Variants in PIBF1 observed in about 807,000 individuals in gnomAD.
PIBF1 encodes the protein progesterone immunomodulatory binding factor 1, also known as progesterone-induced-blocking factor 1.
Under a neutral mutation model 112.5 loss-of-function variants are expected in PIBF1, and 90 were observed. The ratio of observed to expected loss-of-function variants is 0.80; its 90% confidence interval spans 0.67 to 0.95. PIBF1 has a LOEUF of 0.95. Among genes scored for constraint, PIBF1 ranks in the 40% least tolerant of loss-of-function variants. PIBF1 has a pLI of 0.00. For synonymous variants in PIBF1, 301 were observed against 288.6 expected (o/e 1.04, Z -0.44); for missense variants, 915 against 852.3 (o/e 1.07, Z -0.92).
chr13:72,927,979 A>ACG (rs2041559525), intron 13 of PIBF1, among the ~76,000 whole-genome samples: 1 of 69,234 alleles, frequency 1.4e-5, no homozygotes. Flanking sequence ...ATATATATAC[A>ACG]TATATATATA....
intron 11 of PIBF1, chr13:72,900,978 C>T (rs955095947): frequency 3.6e-5 from 13 of 359,504 alleles, no homozygotes; most frequent in South Asian, 1.3e-4. Context: ...ACCGAGATTG[C>T]GCCATTCCGC....
Position 72,854,226 on chromosome 13 carries a change from T to C in PIBF1, c.1322+71T>C. On this transcript the variant is annotated intron_variant, in intron 10 of 17. Transcript: ENST00000326291. ...TTCTGTTACATATTCTTTTAGAAAATGTATTTTAAGGAGAGAATAATTTTC... is the reference window on the plus strand; with the variant it reads ...TTCTGTTACATATTCTTTTAGAAAACGTATTTTAAGGAGAGAATAATTTTC... 5.0e-6 allele frequency: 5 copies of C among 1,007,408 alleles called. No homozygotes were observed. The African/African-American group carries it at 6.4e-5, about 13-fold the overall frequency. 62.4% of individuals were successfully genotyped at this position (1,007,408 alleles called of 1,614,324 possible).
At chr13:72,808,853 C>A (rs978221983) in intron 5 of PIBF1, among the ~76,000 whole-genome samples, 1 of 152,088 alleles carries the variant, frequency 6.6e-6, no homozygotes, top group Admixed American at 6.5e-5. Flanking sequence ...ACAAAAAATA[C>A]CAGGAAACTC....
chr13:72,800,994 G>A (rs2035442970), intron 5 of PIBF1, among the ~76,000 whole-genome samples: 1 of 152,158 alleles, frequency 6.6e-6, no homozygotes, highest in Admixed American at 6.5e-5. Flanking sequence ...ACAGCTCAGG[G>A]AAGAGCTTCT....
chr13:72,810,140 T>G (rs2035940578), intron 5 of PIBF1, among the ~76,000 whole-genome samples: 1 of 152,220 alleles, frequency 6.6e-6, no homozygotes, highest in South Asian at 2.1e-4. Flanking sequence ...TTGTGTATGG[T>G]ACTTTATGTT....
intron 10 of PIBF1, among the ~76,000 whole-genome samples, chr13:72,870,325 C>T (rs1359069241): frequency 6.6e-6 from 1 of 151,966 alleles, no homozygotes; most frequent in Non-Finnish European, 1.5e-5. Context: ...AAATGAGAGC[C>T]AACATTATGA....
intron 10 of PIBF1, among the ~76,000 whole-genome samples, chr13:72,873,869 A>G (rs773921481): frequency 6.6e-6 from 1 of 152,230 alleles, no homozygotes; most frequent in Non-Finnish European, 1.5e-5. Flanking sequence ...AAGGGCTTAC[A>G]TCCAGAACTC....
rs1566540134 is a variant in PIBF1 at position 73,004,501 on chromosome 13, A to AG, written c.2223+5506_2223+5507insG. ...CGAGATTCTGTCTCAAAAAAAAAAA[A>AG]AAAGAAAGAAAAGAAAATGTGATAT... On this transcript the variant is annotated intron_variant, in intron 17 of 17. Coordinates refer to ENST00000326291, the MANE Select transcript of PIBF1 (RefSeq NM_006346.4). Among the ~76,000 whole-genome samples the AG allele has an allele frequency of 7.1e-4, 99 of 138,906 alleles. 1 individual carries two copies. Among genetic ancestry groups the AG allele is most frequent in the East Asian group, 1.1e-3 (5 of 4,600 alleles). 91.1% of individuals were successfully genotyped at this position (138,906 alleles called of 152,430 possible). A position where few individuals can be genotyped will look rare whatever the true frequency, so the allele number is the denominator to read the frequency against.
At chr13:72,963,291 T>C (rs1376369108) in intron 14 of PIBF1, among the ~76,000 whole-genome samples, 1 of 152,084 alleles carries the variant, frequency 6.6e-6, no homozygotes, top group Non-Finnish European at 1.5e-5. Flanking sequence ...TATAAAAAAT[T>C]GTGAGTTAAA....
At chr13:72,872,797 G>T (rs1243665588) in intron 10 of PIBF1, among the ~76,000 whole-genome samples, 1 of 152,006 alleles carries the variant, frequency 6.6e-6, no homozygotes, top group South Asian at 2.1e-4. Flanking sequence ...GTATGTTAGC[G>T]CTATACATTT....
At chr13:72,796,321 C>A (rs147748735) in intron 4 of PIBF1, among the ~76,000 whole-genome samples, 5 of 151,976 alleles carry the variant, frequency 3.3e-5, no homozygotes, top group African/African-American at 4.8e-5. Context: ...CTCAGAGTGG[C>A]GAGTGGGGCA....
At chr13:72,916,693 A>G (rs2041109120) in intron 12 of PIBF1, among the ~76,000 whole-genome samples, 1 of 152,090 alleles carries the variant, frequency 6.6e-6, no homozygotes, top group African/African-American at 2.4e-5. Context: ...TATTTGTCCT[A>G]ATTTAAAAAT....
rs1165623228 is a variant in PIBF1, at chr13:72,936,082, C to T, written c.1833+4815C>T. On this transcript the variant is annotated intron_variant, in intron 14 of 17. Transcript: ENST00000326291. The stretch of plus-strand genomic sequence containing the variant: ...TCACTCTGTTGCCCAGGTTGGAGCG[C>T]AGTGGTGTAATCATAGCTCATTGCA... Among the ~76,000 whole-genome samples, 4 of 151,876 alleles carry T rather than the reference C, an allele frequency of 2.6e-5. No homozygotes were observed. The East Asian group carries it at 5.8e-4, about 22-fold the overall frequency.
chr13:72,909,949 C>T (rs2040840548), intron 12 of PIBF1, among the ~76,000 whole-genome samples: 1 of 152,078 alleles, frequency 6.6e-6, no homozygotes, highest in Non-Finnish European at 1.5e-5. Context: ...TAACATTTCA[C>T]CATTGGCTGT....
chr13:72,974,197 T>C (rs1314901826), intron 16 of PIBF1: 1 of 153,020 alleles, frequency 6.5e-6, no homozygotes, highest in Non-Finnish European at 1.5e-5. Flanking sequence ...TTTTTTTCCT[T>C]TAAGGTTTAT....
At position 72,929,200 on chromosome 13, in the gene PIBF1, A is replaced by G. The variant is rs138674921; in HGVS notation, c.1731-1965A>G. On this transcript the variant is annotated intron_variant, in intron 13 of 17. Transcript: ENST00000326291. ...AAAAATGTGAATAAAGATAGCTCCA[A>G]GATTTTTTAATTAACCTAATAAAAA... Among the ~76,000 whole-genome samples the G allele has an allele frequency of 2.0e-3, 308 of 152,362 alleles. 1 individual carries two copies. The highest frequency in any genetic ancestry group is 7.0e-3 in the African/African-American group (293 of 41,588).
At chr13:72,916,414 AT>A (rs1555313939) in intron 12 of PIBF1, among the ~76,000 whole-genome samples, 1 of 148,952 alleles carries the variant, frequency 6.7e-6, no homozygotes, top group Non-Finnish European at 1.5e-5. Context: ...ATATATATAT[AT>A]TTTTTTAATC....
rs1368944115 is a variant in PIBF1 at position 72,932,548 on chromosome 13, T to G, written c.1833+1281T>G. Among the ~76,000 whole-genome samples the G allele has an allele frequency of 2.0e-5, 3 of 152,116 alleles. No individual in the cohort carries two copies. In the East Asian group the frequency reaches 5.8e-4, roughly 29 times the overall value. Reference sequence around the variant, plus strand: ...TCCAAGAGGGATATGAGGGAGAGCTTGATTTGTAACATTGGCTTGTATCTC... The same window carrying G: ...TCCAAGAGGGATATGAGGGAGAGCTGGATTTGTAACATTGGCTTGTATCTC... On this transcript the variant is annotated intron_variant, in intron 14 of 17. Transcript: ENST00000326291.
intron 11 of PIBF1, chr13:72,901,220 A>G (rs986636929): frequency 4.1e-6 from 1 of 243,386 alleles, no homozygotes; most frequent in African/African-American, 2.3e-5. Context: ...AGTAAAAAAA[A>G]CAATCCCATC....
Sources: allele counts gnomAD v4.1 joint callset (sites outside exome capture counted in the v4.1 genomes callset), GRCh38; gene constraint gnomAD v4.1.1; transcripts MANE v1.5; gene names NCBI Gene and HGNC (gene_info 2026-07-23, HGNC 2026-07-21).